The following P3H2 variants were observed in gnomAD, a reference collection of about 807,000 sequenced individuals.
P3H2 encodes leprecan-like 1.
P3H2 carries 80 observed loss-of-function variants against 87.0 expected under a neutral mutation model. That is an observed-to-expected ratio of 0.92 (90% confidence interval 0.77 to 1.11). The LOEUF is 1.11. Ranked by LOEUF, P3H2 falls within the 50% of genes least tolerant of loss-of-function variation. The pLI is 0.00. For missense variants in P3H2, 1,001 were observed against 923.9 expected, an observed-to-expected ratio of 1.08 and a Z score of -1.08; for synonymous variants, 367 against 359.3, an observed-to-expected ratio of 1.02 and a Z score of -0.24.
rs766143489 is a variant in P3H2 at position 189,994,329 on chromosome 3, C to A, written c.634-46G>T. ...AAAAACAAACAAACAAACAAACAAA[C>A]AAACAAAAAAACCCTTATTTTCAAA... is the stretch of plus-strand genomic sequence containing the variant. On this transcript the variant is annotated intron_variant, in intron 2 of 14. Coordinates refer to ENST00000319332, the MANE Select transcript of P3H2 (RefSeq NM_018192.4). 13 of 1,509,698 alleles carry A rather than the reference C, an allele frequency of 8.6e-6. No homozygotes were observed. The African/African-American group carries it at 1.4e-4, about 16-fold the overall frequency. The allele number at this position is 1,509,698 out of a possible 1,614,324, so 93.5% of individuals were successfully genotyped here. A position where few individuals can be genotyped will look rare whatever the true frequency, so the allele number is the denominator to read the frequency against.
At position 189,995,401 on chromosome 3, in the gene P3H2, A is replaced by G. The variant is rs1329368777; in HGVS notation, c.522T>C (p.Phe174=). The G allele has an allele frequency of 1.9e-6, 3 of 1,614,100 alleles. No individual in the cohort carries two copies. Among genetic ancestry groups the G allele is most frequent in the Non-Finnish European group, 2.5e-6 (3 of 1,180,024 alleles). ...LEKAVEAAHT[F]FVANPEHMEM... The stretch of plus-strand genomic sequence containing the variant: ...CCATGTGCTCAGGGTTAGCCACGAA[A>G]AATGTGTGAGCTGCTTCCACTGCTT... The change falls in exon 2 of 15, where the codon TTT becomes TTC. Residue 174 remains phenylalanine (F), a synonymous_variant. Transcript: ENST00000319332.
Position 189,957,641 on chromosome 3 carries a change from C to T in P3H2, c.*271G>A. ...TTGAGGCTCCAGTGTGCTATCATCA[C>T]ATCTGTGAATAGCCACTGCCCTATA... is the stretch of plus-strand genomic sequence containing the variant. On this transcript the variant is annotated 3_prime_UTR_variant, in exon 15 of 15. Transcript: ENST00000319332. 1 of 506,006 alleles carries T rather than the reference C, an allele frequency of 2.0e-6. No homozygotes were observed. Among genetic ancestry groups the T allele is most frequent in the Admixed American group, 3.3e-5 (1 of 30,076 alleles). 31.3% of individuals were successfully genotyped at this position (506,006 alleles called of 1,614,324 possible).
chr3:190,109,989 C>T (rs1364465047), intron 1 of P3H2, among the ~76,000 whole-genome samples: 1 of 147,520 alleles, frequency 6.8e-6, no homozygotes. Flanking sequence ...GCTGGGATTA[C>T]AGGCATGCAC....
chr3:189,974,004 C>T lies in P3H2; in HGVS notation c.1453G>A (p.Gly485Arg), dbSNP rs754236871. The change falls in exon 10 of 15, where the codon GGA becomes AGA. Residue 485 changes from glycine to arginine, a missense_variant and splice_region_variant. Transcript: ENST00000319332. ...TATCCATCACCAACAAGCATGATTC[C>T]CTGGAAGCAAATACAAGAAGATACG... ...QCRELHSVAS[G>R]IMLVGDGYRG... The T allele has an allele frequency of 6.2e-7, 1 of 1,611,590 alleles. No individual in the cohort carries two copies. The highest frequency in any genetic ancestry group is 1.1e-5 in the South Asian group (1 of 91,038).
chr3:190,069,042 C>T (rs759927824), intron 1 of P3H2, among the ~76,000 whole-genome samples: 3 of 152,078 alleles, frequency 2.0e-5, no homozygotes, highest in Admixed American at 6.6e-5. Context: ...TTTTCACAGG[C>T]GGCACCTTAG....
intron 1 of P3H2, among the ~76,000 whole-genome samples, chr3:190,097,135 T>C (rs895180153): frequency 6.6e-6 from 1 of 152,206 alleles, no homozygotes; most frequent in Admixed American, 6.5e-5. Context: ...TTTCAGAGCA[T>C]GAATTTCAGA....
At chr3:190,025,531 T>G (rs979873086) in intron 1 of P3H2, among the ~76,000 whole-genome samples, 8 of 152,174 alleles carry the variant, frequency 5.3e-5, no homozygotes, top group African/African-American at 1.9e-4. Context: ...ATAATAGTAT[T>G]CACCTGTGAG....
Position 189,958,006 on chromosome 3 carries a change from T to C in P3H2, c.2035-2A>G. On this transcript the variant is annotated splice_acceptor_variant, in intron 14 of 14. Transcript: ENST00000319332. LOFTEE classifies it high-confidence loss of function. ...CACTTCATCAGCCTGTATTCGCTCC[T>C]GCAAAAAAGACAATTTACACATTTC... 3 of 1,609,510 alleles carry C rather than the reference T, an allele frequency of 1.9e-6. No homozygotes were observed. Among genetic ancestry groups the C allele is most frequent in the Non-Finnish European group, 2.6e-6 (3 of 1,175,766 alleles).
chr3:190,079,694 T>A (rs1417073476), intron 1 of P3H2, among the ~76,000 whole-genome samples: 1 of 152,200 alleles, frequency 6.6e-6, no homozygotes, highest in Non-Finnish European at 1.5e-5. Flanking sequence ...GGCTAGCAAC[T>A]GTTACACAGG....
intron 1 of P3H2, among the ~76,000 whole-genome samples, chr3:190,022,865 T>C (rs1293893487): frequency 6.6e-6 from 1 of 152,102 alleles, no homozygotes; most frequent in Non-Finnish European, 1.5e-5. Context: ...CTCACTCTTT[T>C]GCCCAGGCCC....
At chr3:190,029,192 A>G (rs1057275506) in intron 1 of P3H2, among the ~76,000 whole-genome samples, 3 of 152,230 alleles carry the variant, frequency 2.0e-5, no homozygotes, top group African/African-American at 7.2e-5. Context: ...ATATCTGAAT[A>G]GAAGTTGATT....
At chr3:189,995,557 T>TA in intron 1 of P3H2, 115 bp from the exon 2 acceptor site, 1 of 335,368 alleles carries the variant, frequency 3.0e-6, no homozygotes, top group Non-Finnish European at 4.3e-6. Flanking sequence ...GGAGCCTTGG[T>TA]TTTTTTTTTT....
intron 14 of P3H2, among the ~76,000 whole-genome samples, chr3:189,959,217 A>C (rs1389365698): frequency 2.5e-5 from 1 of 40,082 alleles, no homozygotes; most frequent in African/African-American, 1.3e-4. Flanking sequence ...AAGTTGCTTT[A>C]CACCTGTCTC....
chr3:190,000,997 G>A (rs1461294765), intron 1 of P3H2, among the ~76,000 whole-genome samples: 2 of 152,198 alleles, frequency 1.3e-5, no homozygotes, highest in African/African-American at 4.8e-5. Flanking sequence ...GCAGCACAGC[G>A]TAAGTCAGTT....
At chr3:190,062,868 A>G (rs1331075780) in intron 1 of P3H2, among the ~76,000 whole-genome samples, 1 of 152,068 alleles carries the variant, frequency 6.6e-6, no homozygotes, top group Non-Finnish European at 1.5e-5. Flanking sequence ...ACCCTGGCAT[A>G]ATGAACTGGT....
intron 3 of P3H2, among the ~76,000 whole-genome samples, chr3:189,992,746 C>T (rs1723915860): frequency 6.6e-6 from 1 of 152,036 alleles, no homozygotes; most frequent in South Asian, 2.1e-4. Context: ...TTGCTTAAAG[C>T]ATTAAATAGA....
At chr3:190,010,190 CAT>C (rs955353978) in intron 1 of P3H2, among the ~76,000 whole-genome samples, 20 of 152,140 alleles carry the variant, frequency 1.3e-4, no homozygotes, top group Admixed American at 1.0e-3. Flanking sequence ...AAGTCATCAT[CAT>C]GTGTAGACTG....
intron 1 of P3H2, among the ~76,000 whole-genome samples, chr3:190,064,191 C>T (rs1380430496): frequency 1.3e-5 from 2 of 150,884 alleles, no homozygotes; most frequent in African/African-American, 4.9e-5. Flanking sequence ...GAGAACAGGC[C>T]TTACTATGTT....
intron 1 of P3H2, among the ~76,000 whole-genome samples, chr3:190,051,790 G>A (rs1337994532): frequency 6.6e-6 from 1 of 152,166 alleles, no homozygotes; most frequent in Non-Finnish European, 1.5e-5. Context: ...CCCAAGAAAG[G>A]GCGTTCAAAA....
Sources: allele counts gnomAD v4.1 joint callset (sites outside exome capture counted in the v4.1 genomes callset), GRCh38; gene constraint gnomAD v4.1.1; transcripts MANE v1.5; gene names NCBI Gene and HGNC (gene_info 2026-07-23, HGNC 2026-07-21).